XYLT1: variants seen among roughly 807,000 people sequenced by gnomAD.
XYLT1 encodes xylosyltransferase 1, also known as beta-D-xylosyltransferase 1.
A neutral mutation model predicts 91.3 loss-of-function variants in XYLT1; 36 were observed. The observed-to-expected ratio is 0.39, with a 90% CI of 0.30 to 0.52. The LOEUF (loss-of-function observed/expected upper bound fraction) is 0.52. Ranked by LOEUF, XYLT1 falls within the 20% of genes least tolerant of loss-of-function variation. The probability of loss-of-function intolerance (pLI) is 0.68; values close to 1 mark genes in which losing one functional copy is unlikely to be tolerated. For missense variants in XYLT1, 1,242 were observed against 1,284.5 expected (o/e 0.97, Z 0.51); for synonymous variants, 588 against 532.0 (o/e 1.11, Z -1.45).
chr16:17,117,554 T>C, intron 11 of XYLT1, 92 bp downstream of exon 11: 2 of 1,369,954 alleles, frequency 1.5e-6, no homozygotes, highest in Non-Finnish European at 2.0e-6. Context: ...CTGCTTACCC[T>C]ATGTCTGAGC....
intron 2 of XYLT1, among the ~76,000 whole-genome samples, chr16:17,329,407 T>C (rs760064360): frequency 1.4e-4 from 21 of 152,236 alleles, no homozygotes; most frequent in Non-Finnish European, 2.6e-4. Context: ...TAGTAGATAT[T>C]TGATACATGT....
At chr16:17,147,132 G>A (rs554130251) in intron 6 of XYLT1, among the ~76,000 whole-genome samples, 1 of 152,296 alleles carries the variant, frequency 6.6e-6, no homozygotes, top group East Asian at 1.9e-4. Context: ...GGAACTCAGC[G>A]AAGATTTTTT....
rs905162767 is a variant in XYLT1, at chr16:17,312,146, G to A, written c.402+45866C>T. 1.3e-5 allele frequency among the ~76,000 whole-genome samples: 2 copies of A among 152,290 alleles called. No homozygotes were observed. Among genetic ancestry groups the A allele is most frequent in the Non-Finnish European group, 1.5e-5 (1 of 68,002 alleles). On this transcript the variant is annotated intron_variant, in intron 2 of 11. Transcript: ENST00000261381. The surrounding 1 kb of genome is among the most constrained non-coding windows in gnomAD (Gnocchi z 4.4). ...AGAGCTTGCCGACAGACAAGAGGAA[G>A]AGGGGCGTTCTAGACACACAGCACT...
At chr16:17,364,130 G>A (rs2035417634) in intron 1 of XYLT1, among the ~76,000 whole-genome samples, 2 of 152,042 alleles carry the variant, frequency 1.3e-5, no homozygotes, top group Non-Finnish European at 1.5e-5. Flanking sequence ...TAGGGTGGGG[G>A]TACAATTCAG....
intron 1 of XYLT1, among the ~76,000 whole-genome samples, chr16:17,369,894 T>C (rs1336090010): frequency 6.6e-6 from 1 of 152,114 alleles, no homozygotes; most frequent in Non-Finnish European, 1.5e-5. Flanking sequence ...AGTGCTCTCA[T>C]CACCCACGAC....
intron 1 of XYLT1, among the ~76,000 whole-genome samples, chr16:17,380,337 C>T (rs1044932166): frequency 4.6e-5 from 7 of 152,132 alleles, no homozygotes; most frequent in Admixed American, 2.0e-4. Context: ...GTGGTTGGAG[C>T]GAGATGTGCC....
intron 1 of XYLT1, among the ~76,000 whole-genome samples, chr16:17,402,467 T>C (rs4781986): frequency 0.49 from 74,407 of 152,016 alleles, 18,813 homozygotes; most frequent in African/African-American, 0.55. Context: ...GGGTTATGGA[T>C]AATGTTTTTT....
intron 1 of XYLT1, among the ~76,000 whole-genome samples, chr16:17,425,847 A>G (rs775802837): frequency 1.1e-4 from 17 of 152,104 alleles, no homozygotes; most frequent in Non-Finnish European, 2.1e-4. Context: ...CTCAGCTCAG[A>G]TGGCGCTCCC....
At chr16:17,406,983 C>A (rs1356887312) in intron 1 of XYLT1, among the ~76,000 whole-genome samples, 1 of 151,918 alleles carries the variant, frequency 6.6e-6, no homozygotes, top group Non-Finnish European at 1.5e-5. Flanking sequence ...AAACCTTTTG[C>A]TGCTTCTTTA....
intron 1 of XYLT1, among the ~76,000 whole-genome samples, chr16:17,434,870 A>AG (rs1254004935): frequency 1.6e-4 from 24 of 147,530 alleles, no homozygotes; most frequent in African/African-American, 6.0e-4. Context: ...CCTGTCTCTA[A>AG]GAAAAAAAAA....
Position 17,149,350 on chromosome 16 carries a change from T to G in XYLT1, c.1371-7981A>C, listed in dbSNP as rs141784461. On this transcript the variant is annotated intron_variant, in intron 6 of 11. Transcript: ENST00000261381. ...CAGCATGTCTGAGCAAGAAGGAATC[T>G]TCACAAGCAGCTAATATAGCTAATG... Among the ~76,000 whole-genome samples, 22 of 152,210 alleles carry G rather than the reference T, an allele frequency of 1.4e-4. No homozygotes were observed. In the East Asian group the frequency reaches 3.9e-3, roughly 27 times the overall value.
chr16:17,344,980 T>C (rs371532298), intron 2 of XYLT1, among the ~76,000 whole-genome samples: 32 of 152,298 alleles, frequency 2.1e-4, no homozygotes, highest in African/African-American at 7.7e-4. Context: ...GGATTATACA[T>C]AGGCGTGAGC....
rs1469749954 is a variant in XYLT1, at chr16:17,276,267, A to G, written c.403-16769T>C. ...CTTCCGAGCAAGTTTTCATTGGCCA[A>G]GTTCCTGAAGGAGGCTGCCATCTTG... is the stretch of plus-strand genomic sequence containing the variant. On this transcript the variant is annotated intron_variant, in intron 2 of 11. Transcript: ENST00000261381. Among the ~76,000 whole-genome samples, 3 of 152,186 alleles carry G rather than the reference A, an allele frequency of 2.0e-5. No individual in the cohort carries two copies. In the East Asian group the frequency reaches 5.8e-4, roughly 29 times the overall value.
At chr16:17,385,287 C>CAA (rs2035734671) in intron 1 of XYLT1, among the ~76,000 whole-genome samples, 1 of 151,236 alleles carries the variant, frequency 6.6e-6, no homozygotes, top group Non-Finnish European at 1.5e-5. Context: ...CACACACACA[C>CAA]ACACACACAC....
intron 2 of XYLT1, among the ~76,000 whole-genome samples, chr16:17,336,106 G>A (rs2141842562): frequency 6.6e-6 from 1 of 152,334 alleles, no homozygotes; most frequent in Non-Finnish European, 1.5e-5. Flanking sequence ...GGAGAAACGT[G>A]CGGAGGTGGA....
intron 1 of XYLT1, among the ~76,000 whole-genome samples, chr16:17,443,507 T>C (rs1159921784): frequency 2.0e-5 from 3 of 152,190 alleles, no homozygotes; most frequent in African/African-American, 7.2e-5. Context: ...AAGATGTGCC[T>C]GCCTTCCTCT....
chr16:17,421,449 A>G (rs891155613), intron 1 of XYLT1, among the ~76,000 whole-genome samples: 1 of 152,192 alleles, frequency 6.6e-6, no homozygotes, highest in African/African-American at 2.4e-5. Context: ...GCAACAGAAT[A>G]TGGCAGGAGT....
At chr16:17,407,476 A>C (rs1394339071) in intron 1 of XYLT1, among the ~76,000 whole-genome samples, 1 of 152,156 alleles carries the variant, frequency 6.6e-6, no homozygotes, top group Non-Finnish European at 1.5e-5. Context: ...TATATATTTT[A>C]TAGAGATGGG....
intron 10 of XYLT1, among the ~76,000 whole-genome samples, chr16:17,127,124 CCCATCTGT>C (rs1198789211): frequency 2.0e-5 from 3 of 152,156 alleles, no homozygotes; most frequent in African/African-American, 7.2e-5. Flanking sequence ...AGCTATGTGA[CCCATCTGT>C]CCATCCATCC....
Sources: gnomAD v4.1 joint callset for allele counts (sites outside exome capture counted in the v4.1 genomes callset) on GRCh38, gnomAD v4.1.1 for gene constraint, Gnocchi (gnomAD v3.1) non-coding constraint, MANE v1.5 for transcripts, NCBI Gene and HGNC (gene_info 2026-07-23, HGNC 2026-07-21) for gene names.